Variants in PRKCB observed in about 807,000 individuals in gnomAD.
PRKCB encodes the protein protein kinase C beta type.
PRKCB carries 13 observed loss-of-function variants against 81.5 expected under a neutral mutation model. The observed-to-expected ratio is 0.16, with a 90% CI of 0.10 to 0.25. PRKCB has a LOEUF of 0.25. Among genes scored for constraint, PRKCB ranks in the 10% least tolerant of loss-of-function variants. The pLI is 1.00. For synonymous variants in PRKCB, 335 were observed against 321.4 expected, an observed-to-expected ratio of 1.04 and a Z score of -0.45; for missense variants, 509 against 875.7, an observed-to-expected ratio of 0.58 and a Z score of 5.29.
chr16:23,969,327 G>T (rs560277814), intron 2 of PRKCB, among the ~76,000 whole-genome samples: 17 of 152,110 alleles, frequency 1.1e-4, no homozygotes, highest in Non-Finnish European at 1.5e-4. Context: ...CCATCAGTGT[G>T]GTAGACACTG....
At chr16:24,086,347 G>C (rs1056692406) in intron 5 of PRKCB, among the ~76,000 whole-genome samples, 6 of 152,154 alleles carry the variant, frequency 3.9e-5, no homozygotes, top group Admixed American at 1.3e-4. Context: ...AGAGGGGCAG[G>C]GCAGGACAGT....
intron 2 of PRKCB, among the ~76,000 whole-genome samples, chr16:23,970,530 C>T (rs1162617053): frequency 6.6e-6 from 1 of 152,200 alleles, no homozygotes; most frequent in Non-Finnish European, 1.5e-5. Context: ...CAAACCCTCA[C>T]TTTTTTTACT....
At chr16:24,046,206 G>A (rs758960340) in intron 5 of PRKCB, among the ~76,000 whole-genome samples, 1 of 152,230 alleles carries the variant, frequency 6.6e-6, no homozygotes, top group Non-Finnish European at 1.5e-5. Context: ...CTTGCTGCAC[G>A]TCTCTGCTAA....
chr16:24,201,757 C>T (rs1372493007), intron 16 of PRKCB, among the ~76,000 whole-genome samples: 5 of 152,122 alleles, frequency 3.3e-5, no homozygotes, highest in East Asian at 1.9e-4. Context: ...CTGTCATGGC[C>T]GGGTGTGGTG....
At chr16:24,118,540 A>G (rs565857416) in intron 8 of PRKCB, among the ~76,000 whole-genome samples, 1 of 152,316 alleles carries the variant, frequency 6.6e-6, no homozygotes, top group African/African-American at 2.4e-5. Flanking sequence ...GGAGTGGCAG[A>G]GGAATCTGCA....
chr16:23,839,457 G>GTTT (rs1962229311), intron 2 of PRKCB, among the ~76,000 whole-genome samples: 1 of 152,056 alleles, frequency 6.6e-6, no homozygotes, highest in Non-Finnish European at 1.5e-5. Flanking sequence ...AACAACTTTT[G>GTTT]TAGAGAAGGG....
chr16:24,215,572 C>T lies in PRKCB; in HGVS notation c.*756C>T, dbSNP rs1968213597. On this transcript the variant is annotated 3_prime_UTR_variant, in exon 17 of 17. Transcript: ENST00000643927. Reference sequence around the variant, plus strand: ...TCACTCTAGCAAGGCCCCCAAAGGGCCCTGGTTTTACATTACATTTCAAAC... The same window carrying T: ...TCACTCTAGCAAGGCCCCCAAAGGGTCCTGGTTTTACATTACATTTCAAAC... The T allele has an allele frequency of 1.0e-6, 1 of 985,356 alleles. No homozygotes were observed. Among genetic ancestry groups the T allele is most frequent in the South Asian group, 4.7e-5 (1 of 21,290 alleles). The allele number at this position is 985,356 out of a possible 1,614,324, so 61.0% of individuals were successfully genotyped here.
chr16:24,140,767 C>G (rs967449017), intron 9 of PRKCB, among the ~76,000 whole-genome samples: 1 of 152,206 alleles, frequency 6.6e-6, no homozygotes, highest in Admixed American at 6.5e-5. Flanking sequence ...CTTGTGACTT[C>G]TGGAATAATG....
chr16:23,967,965 T>C (rs1210705089), intron 2 of PRKCB, among the ~76,000 whole-genome samples: 2 of 152,218 alleles, frequency 1.3e-5, no homozygotes, highest in Non-Finnish European at 2.9e-5. Context: ...TTTTATGGTG[T>C]CTTTGAAGTG....
At chr16:24,143,632 T>C (rs1262853454) in intron 9 of PRKCB, among the ~76,000 whole-genome samples, 1 of 152,162 alleles carries the variant, frequency 6.6e-6, no homozygotes, top group Non-Finnish European at 1.5e-5. Flanking sequence ...TGTAACTTGC[T>C]TGTCTGTCCC....
chr16:24,138,692 T>C (rs1034225273), intron 9 of PRKCB, among the ~76,000 whole-genome samples: 1 of 152,124 alleles, frequency 6.6e-6, no homozygotes, highest in Non-Finnish European at 1.5e-5. Context: ...AAATTGCTAG[T>C]ACTTATTTAT....
intron 2 of PRKCB, among the ~76,000 whole-genome samples, chr16:23,886,411 T>TTTTTTG (rs1555482054): frequency 1.8e-5 from 2 of 110,340 alleles, no homozygotes; most frequent in Non-Finnish European, 4.0e-5. Context: ...TAGGTGTTTT[T>TTTTTTG]TTTTTTTTTT....
At chr16:23,912,439 C>T (rs777476055) in intron 2 of PRKCB, among the ~76,000 whole-genome samples, 1 of 150,236 alleles carries the variant, frequency 6.7e-6, no homozygotes, top group Middle Eastern at 3.4e-3. Flanking sequence ...GCTTGCCCTG[C>T]TTGCTGTTAC....
intron 2 of PRKCB, among the ~76,000 whole-genome samples, chr16:23,849,199 A>G (rs1247581169): frequency 6.6e-6 from 1 of 152,240 alleles, no homozygotes; most frequent in East Asian, 1.9e-4. Flanking sequence ...TCAAAAATGT[A>G]TTGGTAGCAT....
chr16:24,157,112 C>G (rs967378749), intron 10 of PRKCB, among the ~76,000 whole-genome samples: 34 of 152,262 alleles, frequency 2.2e-4, no homozygotes, highest in African/African-American at 7.7e-4. Context: ...TTTCAATATG[C>G]TTTCTGGAAT....
Position 23,874,744 on chromosome 16 carries a change from C to T in PRKCB, c.205+37338C>T, listed in dbSNP as rs572217359. Reference sequence around the variant, plus strand: ...AATCACTGATGTAGATAATGCACTTCAATTAATCTAAAATCATCAACTATT... The same window carrying T: ...AATCACTGATGTAGATAATGCACTTTAATTAATCTAAAATCATCAACTATT... On this transcript the variant is annotated intron_variant, in intron 2 of 16. Coordinates refer to ENST00000643927, the MANE Select transcript of PRKCB (RefSeq NM_002738.7). Among the ~76,000 whole-genome samples, 227 of 152,266 alleles carry T rather than the reference C, an allele frequency of 1.5e-3. 1 individual carries two copies. Among genetic ancestry groups the T allele is most frequent in the African/African-American group, 5.0e-3 (206 of 41,554 alleles).
chr16:24,095,324 A>G (rs971244800), intron 7 of PRKCB, among the ~76,000 whole-genome samples: 1 of 152,068 alleles, frequency 6.6e-6, no homozygotes, highest in African/African-American at 2.4e-5. Context: ...TTTGGCAAGG[A>G]GTAGGGTGGC....
chr16:23,990,229 C>A lies in PRKCB; in HGVS notation c.288+1639C>A, dbSNP rs199522445. Among the ~76,000 whole-genome samples the A allele has an allele frequency of 3.3e-5, 5 of 152,044 alleles. No individual in the cohort carries two copies. In the East Asian group the frequency reaches 9.7e-4, roughly 29 times the overall value. On this transcript the variant is annotated intron_variant, in intron 3 of 16. Transcript: ENST00000643927. ...ATCCCAGCACTTTGGGAGGCTGAGGCGGGCAGATCACAAGGTCAGGAGATC... is the reference window on the plus strand; with the variant it reads ...ATCCCAGCACTTTGGGAGGCTGAGGAGGGCAGATCACAAGGTCAGGAGATC...
intron 10 of PRKCB, among the ~76,000 whole-genome samples, chr16:24,166,471 C>T (rs1967348969): frequency 6.6e-6 from 1 of 152,034 alleles, no homozygotes; most frequent in Non-Finnish European, 1.5e-5. Context: ...AATTTTACTC[C>T]CCCTCTCCAG....
Sources: allele counts gnomAD v4.1 joint callset (sites outside exome capture counted in the v4.1 genomes callset), GRCh38; gene constraint gnomAD v4.1.1; transcripts MANE v1.5; gene names NCBI Gene and HGNC (gene_info 2026-07-23, HGNC 2026-07-21).